FSTL4: variants seen among roughly 807,000 people sequenced by gnomAD.
FSTL4 encodes the protein follistatin like 4, also known as follistatin-related protein 4.
In FSTL4, 28 loss-of-function variants were observed where a neutral mutation model predicts 78.2. The ratio of observed to expected loss-of-function variants is 0.36; its 90% CI spans 0.27 to 0.49. The LOEUF is 0.49. FSTL4 is among the 20% of genes least tolerant of loss of function. The pLI, the probability that FSTL4 is intolerant of heterozygous loss-of-function variation, is 0.98. For missense variants in FSTL4, 922 were observed against 1,084.9 expected, an observed-to-expected ratio of 0.85 and a Z score of 2.11; for synonymous variants, 422 against 440.5, an observed-to-expected ratio of 0.96 and a Z score of 0.53.
intron 1 of FSTL4, among the ~76,000 whole-genome samples, chr5:133,607,920 G>A (rs1267932178): frequency 6.7e-6 from 1 of 149,396 alleles, no homozygotes; most frequent in Non-Finnish European, 1.5e-5. Context: ...AGAAGGGAGG[G>A]AGGGAGGGAG....
chr5:133,527,337 C>G (rs1262461269), intron 3 of FSTL4, among the ~76,000 whole-genome samples: 1 of 152,158 alleles, frequency 6.6e-6, no homozygotes, highest in Non-Finnish European at 1.5e-5. Flanking sequence ...CTCAAAGAGA[C>G]ATGCTACTTT....
chr5:133,775,893 G>A, the FSTL4 span, among the ~76,000 whole-genome samples: 3 of 152,152 alleles, frequency 2.0e-5, no homozygotes, highest in African/African-American at 2.4e-5. Context: ...CTCCCAGTGG[G>A]CAGAATCAAT....
the FSTL4 span, among the ~76,000 whole-genome samples, chr5:133,654,531 A>G: frequency 6.6e-6 from 1 of 152,224 alleles, no homozygotes; most frequent in Non-Finnish European, 1.5e-5. Flanking sequence ...CTGGGCCACA[A>G]GTGCTCATTG....
chr5:133,735,080 C>T, the FSTL4 span, among the ~76,000 whole-genome samples: 1 of 152,184 alleles, frequency 6.6e-6, no homozygotes, highest in East Asian at 1.9e-4. Flanking sequence ...AAGGAAAGTC[C>T]CTCTTCACAA....
At chr5:133,460,961 T>A (rs1410088528) in intron 3 of FSTL4, among the ~76,000 whole-genome samples, 8 of 152,246 alleles carry the variant, frequency 5.3e-5, no homozygotes, top group Non-Finnish European at 8.8e-5. Flanking sequence ...TTGGATTCCA[T>A]GATATTAATT....
intron 5 of FSTL4, among the ~76,000 whole-genome samples, chr5:133,314,529 C>CT (rs1753858944): frequency 6.6e-6 from 1 of 151,846 alleles, no homozygotes; most frequent in African/African-American, 2.4e-5. Flanking sequence ...TACTAGGGTT[C>CT]TGGAGGTACT....
At chr5:133,218,572 C>T (rs142671136) in intron 12 of FSTL4, among the ~76,000 whole-genome samples, 212 of 152,280 alleles carry the variant, frequency 1.4e-3, no homozygotes, top group African/African-American at 4.9e-3. Flanking sequence ...TCTCTCTTAC[C>T]CACCCTACTC....
At chr5:133,793,133 C>T in the FSTL4 span, among the ~76,000 whole-genome samples, 1 of 152,214 alleles carries the variant, frequency 6.6e-6, no homozygotes. Context: ...CTGAGGCCCA[C>T]CCCTCAGGCT....
chr5:133,816,436 G>A, the FSTL4 span, among the ~76,000 whole-genome samples: 3 of 152,296 alleles, frequency 2.0e-5, no homozygotes, highest in East Asian at 1.9e-4. Flanking sequence ...TGCTCAGCAC[G>A]ACTCTTCCCT....
At position 133,601,875 on chromosome 5, in the gene FSTL4, G is replaced by A. The variant is rs558190856; in HGVS notation, c.126+1983C>T. ...ACTTTTGTATTTTTAGTGGAGACAGGGTTTTGCTATGTTGCCCAGGCTGGT... is the reference window on the plus strand; with the variant it reads ...ACTTTTGTATTTTTAGTGGAGACAGAGTTTTGCTATGTTGCCCAGGCTGGT... On this transcript the variant is annotated intron_variant, in intron 2 of 15. Transcript: ENST00000265342. Among the ~76,000 whole-genome samples, 3 of 151,658 alleles carry A rather than the reference G, an allele frequency of 2.0e-5. No individual in the cohort carries two copies. In the East Asian group the frequency reaches 5.9e-4, roughly 30 times the overall value.
the FSTL4 span, among the ~76,000 whole-genome samples, chr5:133,673,085 T>G: frequency 6.6e-6 from 1 of 152,198 alleles, no homozygotes; most frequent in Non-Finnish European, 1.5e-5. Context: ...AACAGTTACA[T>G]TCTTTTGAGT....
chr5:133,592,174 C>A (rs1250892952), intron 2 of FSTL4, among the ~76,000 whole-genome samples: 1 of 152,200 alleles, frequency 6.6e-6, no homozygotes, highest in Non-Finnish European at 1.5e-5. Context: ...CACCTTCCAC[C>A]CAGCGCATTT....
the FSTL4 span, among the ~76,000 whole-genome samples, chr5:133,685,174 G>A: frequency 6.6e-6 from 1 of 152,142 alleles, no homozygotes; most frequent in Non-Finnish European, 1.5e-5. Flanking sequence ...GGACTTTCAG[G>A]AGCCTGCCCC....
chr5:133,373,690 C>G (rs953978142), intron 4 of FSTL4, among the ~76,000 whole-genome samples: 5 of 152,270 alleles, frequency 3.3e-5, no homozygotes, highest in South Asian at 4.2e-4. Context: ...TCTTGGGAAG[C>G]CTTGATCATA....
rs779638556 is a variant in FSTL4, at chr5:133,217,303, G to A, written c.1534C>T (p.Arg512Trp). The A allele has an allele frequency of 2.6e-5, 42 of 1,613,750 alleles. 1 individual carries two copies. The highest frequency in any genetic ancestry group is 3.3e-5 in the Admixed American group (2 of 60,008). The change falls in exon 13 of 16, where the codon CGG becomes TGG. Residue 512 changes from arginine (R) to tryptophan (W), a missense_variant. By Grantham distance (101) the Arg-to-Trp change is moderately radical (BLOSUM62 -3). Transcript: ENST00000265342. ...GCTGGCTGGGCCACATAGATGTACCGGTTCCGGACATTGACTGCAGATACC... is the reference window on the plus strand; with the variant it reads ...GCTGGCTGGGCCACATAGATGTACCAGTTCCGGACATTGACTGCAGATACC... ...QWVSAVNVRN[R>W]YIYVAQPALS...
In FSTL4 at chr5:133,299,891, C is replaced by T. The variant is rs183067024; in HGVS notation, c.727+12763G>A. The stretch of plus-strand genomic sequence containing the variant: ...GTCGGTACACTGTCTACAGGGCAGA[C>T]ATCTGCATTTAGCCTGAGACACACT... On this transcript the variant is annotated intron_variant, in intron 6 of 15. Coordinates refer to ENST00000265342, the MANE Select transcript of FSTL4 (RefSeq NM_015082.2). Among the ~76,000 whole-genome samples the T allele has an allele frequency of 1.3e-3, 204 of 152,334 alleles. 2 individuals are homozygous for T. Among genetic ancestry groups the T allele is most frequent in the African/African-American group, 4.8e-3 (200 of 41,590 alleles).
intron 3 of FSTL4, among the ~76,000 whole-genome samples, chr5:133,413,523 G>A (rs924980736): frequency 6.6e-6 from 1 of 151,818 alleles, no homozygotes; most frequent in African/African-American, 2.4e-5. Flanking sequence ...ATATTTCTTT[G>A]CATTTATTCT....
At chr5:133,216,345 C>A (rs1467735945) in intron 13 of FSTL4, among the ~76,000 whole-genome samples, 1 of 151,974 alleles carries the variant, frequency 6.6e-6, no homozygotes, top group Non-Finnish European at 1.5e-5. Flanking sequence ...GGCTGGAGTG[C>A]AGTGGTGTGA....
chr5:133,616,559 A>G (rs1761203897), upstream of FSTL4, among the ~76,000 whole-genome samples: 1 of 151,532 alleles, frequency 6.6e-6, no homozygotes, highest in Non-Finnish European at 1.5e-5. Flanking sequence ...GCACTACCAT[A>G]CCCAGGTAAT....
Sources: gnomAD v4.1 joint callset for allele counts (sites outside exome capture counted in the v4.1 genomes callset) on GRCh38, gnomAD v4.1.1 for gene constraint, MANE v1.5 for transcripts, NCBI Gene and HGNC (gene_info 2026-07-23, HGNC 2026-07-21) for gene names.